The following SGCZ variants were observed in gnomAD, a reference collection of about 807,000 sequenced individuals.
SGCZ encodes zeta-sarcoglycan.
SGCZ carries 40 observed loss-of-function variants against 41.3 expected under a neutral mutation model. The ratio of observed to expected loss-of-function variants is 0.97; its 90% confidence interval spans 0.75 to 1.26. The LOEUF is 1.26. Ranked by LOEUF, SGCZ falls within the 50% of genes most tolerant of loss-of-function variation. The probability of loss-of-function intolerance (pLI) is 0.00; values close to 1 mark genes in which losing one functional copy is unlikely to be tolerated. For missense variants in SGCZ, 552 were observed against 369.8 expected (o/e 1.49, Z -4.04); for synonymous variants, 206 against 137.5 (o/e 1.50, Z -3.49).
At chr8:14,514,813 G>A (rs1333137192) in intron 2 of SGCZ, among the ~76,000 whole-genome samples, 1,209 of 24,894 alleles carry the variant, frequency 0.049, 28 homozygotes, top group East Asian at 0.16. Context: ...GTGTGTGTGT[G>A]TATATATACA....
intron 1 of SGCZ, among the ~76,000 whole-genome samples, chr8:15,134,269 T>C (rs748735941): frequency 1.8e-4 from 28 of 151,366 alleles, no homozygotes; most frequent in Non-Finnish European, 3.8e-4. Context: ...ATAACTTTGG[T>C]ATTTAAATGT....
intron 3 of SGCZ, among the ~76,000 whole-genome samples, chr8:14,313,044 T>C (rs919738070): frequency 6.6e-6 from 1 of 152,136 alleles, no homozygotes; most frequent in Non-Finnish European, 1.5e-5. Context: ...GGACTTGCAT[T>C]CCTGCTCAAC....
intron 1 of SGCZ, among the ~76,000 whole-genome samples, chr8:14,831,911 CACAA>C (rs1802547517): frequency 6.6e-6 from 1 of 150,846 alleles, no homozygotes; most frequent in Non-Finnish European, 1.5e-5. Context: ...TGTATACACA[CACAA>C]ACAGTACATA....
chr8:14,692,083 T>C (rs1808818043), intron 1 of SGCZ, among the ~76,000 whole-genome samples: 1 of 152,012 alleles, frequency 6.6e-6, no homozygotes, highest in Admixed American at 6.6e-5. Context: ...CTACTATTTT[T>C]AGTCAAGAAT....
chr8:14,677,854 G>A (rs112280765), intron 1 of SGCZ, among the ~76,000 whole-genome samples: 1,904 of 152,270 alleles, frequency 0.013, 35 homozygotes, highest in African/African-American at 0.031. Flanking sequence ...AAATAACATT[G>A]AAGGAGGAGA....
intron 5 of SGCZ, among the ~76,000 whole-genome samples, chr8:14,143,879 G>C (rs186893599): frequency 6.6e-6 from 1 of 152,292 alleles, no homozygotes; most frequent in Admixed American, 6.5e-5. Flanking sequence ...GGACTCAGTA[G>C]TGTCCTGTTA....
At chr8:14,479,211 G>A (rs1291516973) in intron 2 of SGCZ, among the ~76,000 whole-genome samples, 1 of 152,204 alleles carries the variant, frequency 6.6e-6, no homozygotes, top group Non-Finnish European at 1.5e-5. Flanking sequence ...TTCAGTCTGT[G>A]GCTGAAGGCC....
chr8:14,537,061 G>T (rs1185892652), intron 2 of SGCZ, among the ~76,000 whole-genome samples: 1 of 151,906 alleles, frequency 6.6e-6, no homozygotes, highest in African/African-American at 2.4e-5. Context: ...TCCTGCTGCT[G>T]ACACAGCCCC....
intron 3 of SGCZ, among the ~76,000 whole-genome samples, chr8:14,260,131 T>A (rs897299316): frequency 2.0e-5 from 3 of 152,038 alleles, no homozygotes; most frequent in African/African-American, 2.4e-5. Flanking sequence ...TGTTGGTGTA[T>A]AAGAAACTAC....
intron 2 of SGCZ, among the ~76,000 whole-genome samples, chr8:14,495,674 C>T (rs912974084): frequency 6.6e-6 from 1 of 152,156 alleles, no homozygotes; most frequent in Non-Finnish European, 1.5e-5. Flanking sequence ...AGGTGAAAGA[C>T]CAAACCCTCA....
chr8:14,415,915 T>C lies in SGCZ; in HGVS notation c.235-91711A>G, dbSNP rs117804404. 8.5e-3 allele frequency among the ~76,000 whole-genome samples: 1,295 copies of C among 152,060 alleles called. 6 individuals carry two copies. The highest frequency in any genetic ancestry group is 0.014 in the Non-Finnish European group (952 of 67,880). ...AAAACTTCATCTTTTTCTGACCTCC[T>C]TTAATATAAGAAAACCTAATTATTA... On this transcript the variant is annotated intron_variant, in intron 2 of 7. Transcript: ENST00000382080.
At position 14,381,337 on chromosome 8, in the gene SGCZ, C is replaced by T. The variant is rs575084115; in HGVS notation, c.235-57133G>A. On this transcript the variant is annotated intron_variant, in intron 2 of 7. Coordinates refer to ENST00000382080, the MANE Select transcript of SGCZ (RefSeq NM_139167.4). Reference sequence around the variant, plus strand: ...TCTGAATATAAAAACATACAACCTTCTACAATCAGAAATTATTCAGGTCCA... The same window carrying T: ...TCTGAATATAAAAACATACAACCTTTTACAATCAGAAATTATTCAGGTCCA... Among the ~76,000 whole-genome samples, 14 of 152,298 alleles carry T rather than the reference C, an allele frequency of 9.2e-5. No homozygotes were observed. In the East Asian group the frequency reaches 2.7e-3, roughly 29 times the overall value.
At chr8:15,044,317 A>G (rs1277759099) in intron 1 of SGCZ, among the ~76,000 whole-genome samples, 4 of 152,076 alleles carry the variant, frequency 2.6e-5, no homozygotes, top group Non-Finnish European at 5.9e-5. Flanking sequence ...CCACTTTATC[A>G]AGGCCATTAG....
chr8:14,629,134 T>A (rs1806560345), intron 1 of SGCZ, among the ~76,000 whole-genome samples: 1 of 152,154 alleles, frequency 6.6e-6, no homozygotes, highest in Non-Finnish European at 1.5e-5. Context: ...TTGAAGCCCC[T>A]ATATCCAGGT....
At chr8:15,166,991 T>A (rs2117053851) in intron 1 of SGCZ, among the ~76,000 whole-genome samples, 1 of 151,202 alleles carries the variant, frequency 6.6e-6, no homozygotes, top group East Asian at 2.1e-4. Flanking sequence ...TTGACTTTTG[T>A]TTAGAAAATT....
chr8:14,485,264 C>T (rs1801641470), intron 2 of SGCZ, among the ~76,000 whole-genome samples: 1 of 152,046 alleles, frequency 6.6e-6, no homozygotes, highest in Non-Finnish European at 1.5e-5. Flanking sequence ...TTTTCTCCTC[C>T]CTCCACCCCC....
intron 1 of SGCZ, among the ~76,000 whole-genome samples, chr8:14,660,960 C>T (rs1010355590): frequency 6.6e-6 from 1 of 152,090 alleles, no homozygotes; most frequent in African/African-American, 2.4e-5. Context: ...AGCAAGTATG[C>T]ACATGAAAAC....
At chr8:14,294,178 C>A (rs866825127) in intron 3 of SGCZ, among the ~76,000 whole-genome samples, 2 of 151,728 alleles carry the variant, frequency 1.3e-5, no homozygotes, top group African/African-American at 2.4e-5. Context: ...AGACTAAAAA[C>A]TCTCCACTTA....
chr8:14,394,213 T>A (rs1804897601), intron 2 of SGCZ, among the ~76,000 whole-genome samples: 1 of 146,272 alleles, frequency 6.8e-6, no homozygotes, highest in African/African-American at 2.5e-5. Context: ...TGCAGTGGCA[T>A]GATCTCGGCT....
Sources: allele counts gnomAD v4.1 joint callset (sites outside exome capture counted in the v4.1 genomes callset), GRCh38; gene constraint gnomAD v4.1.1; transcripts MANE v1.5; gene names NCBI Gene and HGNC (gene_info 2026-07-23, HGNC 2026-07-21).